THSD7B: variants seen among roughly 807,000 people sequenced by gnomAD.
THSD7B encodes thrombospondin type-1 domain-containing protein 7B.
THSD7B carries 138 observed loss-of-function variants against 213.6 expected under a neutral mutation model. That is an observed-to-expected ratio of 0.65 (90% CI 0.56 to 0.74). The LOEUF is 0.74. Among genes scored for constraint, THSD7B ranks in the 30% least tolerant of loss-of-function variants. THSD7B has a pLI of 0.00. For missense variants in THSD7B, 1,931 were observed against 1,991.5 expected, an observed-to-expected ratio of 0.97 and a Z score of 0.58; for synonymous variants, 742 against 687.0, an observed-to-expected ratio of 1.08 and a Z score of -1.25.
At chr2:136,912,321 CA>C (rs1159184476) in intron 2 of THSD7B, among the ~76,000 whole-genome samples, 149 of 55,814 alleles carry the variant, frequency 2.7e-3, no homozygotes, top group South Asian at 2.3e-3. Flanking sequence ...GACTCCATCT[CA>C]AAAAAAAAAA....
chr2:137,285,071 A>G (rs994128626), intron 12 of THSD7B, among the ~76,000 whole-genome samples: 1 of 152,102 alleles, frequency 6.6e-6, no homozygotes, highest in Non-Finnish European at 1.5e-5. Context: ...TTGCTTTATG[A>G]ATCTGGGTGC....
intron 2 of THSD7B, among the ~76,000 whole-genome samples, chr2:136,900,186 C>T (rs939716783): frequency 2.6e-5 from 4 of 152,168 alleles, no homozygotes; most frequent in African/African-American, 9.7e-5. Context: ...TTACTTTGTG[C>T]CCCACTAATG....
intron 7 of THSD7B, among the ~76,000 whole-genome samples, chr2:137,211,035 A>G (rs991617307): frequency 3.3e-5 from 5 of 151,850 alleles, no homozygotes; most frequent in Admixed American, 6.6e-5. Flanking sequence ...TTTCTTAATT[A>G]TATTTTTTAC....
At position 137,676,567 on chromosome 2, in the gene THSD7B, C is replaced by G; in HGVS notation, c.4783C>G (p.Pro1595Ala). 2.5e-6 allele frequency: 4 copies of G among 1,596,534 alleles called. No homozygotes were observed. Among genetic ancestry groups the G allele is most frequent in the Non-Finnish European group, 2.6e-6 (3 of 1,172,624 alleles). The part of the protein sequence containing the change: ...PHQSTPPQQK[P>A]LTLAYDGDLD... ...TCAAAGCACACCTCCCCAACAGAAG[C>G]CTCTGACCTTAGCCTACGATGGAGA... Residue 1595 changes from proline (P) to alanine (A), a missense_variant, in exon 28 of 28, where the codon CCT becomes GCT. By Grantham distance (27) the Pro-to-Ala change is conservative. Transcript: ENST00000409968.
intron 2 of THSD7B, among the ~76,000 whole-genome samples, chr2:136,956,835 G>A (rs1685134959): frequency 6.6e-6 from 1 of 151,804 alleles, no homozygotes; most frequent in African/African-American, 2.4e-5. Context: ...GCAAACCACC[G>A]TGTCTAGCTA....
chr2:137,667,681 A>C (rs755842107), intron 26 of THSD7B, 93 bp from the exon 27 acceptor site: 3 of 988,400 alleles, frequency 3.0e-6, no homozygotes, highest in Non-Finnish European at 4.6e-6. Context: ...ACTGATGGTC[A>C]GCTTGGGGTT....
intron 1 of THSD7B, among the ~76,000 whole-genome samples, chr2:136,813,346 G>A (rs1280602226): frequency 6.6e-6 from 1 of 151,888 alleles, no homozygotes; most frequent in Non-Finnish European, 1.5e-5. Flanking sequence ...TAAACCCTTC[G>A]GATTAGCCCC....
At chr2:137,473,444 A>G (rs553588959) in intron 15 of THSD7B, among the ~76,000 whole-genome samples, 34 of 152,122 alleles carry the variant, frequency 2.2e-4, no homozygotes, top group African/African-American at 8.2e-4. Flanking sequence ...TCCTGACCTC[A>G]TGATCCGCCC....
intron 15 of THSD7B, among the ~76,000 whole-genome samples, chr2:137,535,826 A>T (rs962049501): frequency 2.0e-5 from 3 of 151,524 alleles, no homozygotes; most frequent in Non-Finnish European, 4.4e-5. Flanking sequence ...TTCAAGAATG[A>T]TGTGAGGGGG....
At chr2:136,893,139 A>G (rs2087496879) in intron 2 of THSD7B, among the ~76,000 whole-genome samples, 1 of 152,180 alleles carries the variant, frequency 6.6e-6, no homozygotes. Flanking sequence ...CTGGAATATA[A>G]TAGCATGTTG....
At chr2:137,256,391 T>A (rs1682310258) in intron 10 of THSD7B, among the ~76,000 whole-genome samples, 1 of 152,236 alleles carries the variant, frequency 6.6e-6, no homozygotes, top group East Asian at 1.9e-4. Flanking sequence ...GTCCTGTGAT[T>A]GGGGAGGTGA....
At chr2:137,338,799 T>C (rs1369694691) in intron 12 of THSD7B, among the ~76,000 whole-genome samples, 1 of 152,128 alleles carries the variant, frequency 6.6e-6, no homozygotes, top group Non-Finnish European at 1.5e-5. Flanking sequence ...AGCCTCTGTG[T>C]GTACCACACA....
intron 20 of THSD7B, among the ~76,000 whole-genome samples, chr2:137,638,472 C>T (rs1437569219): frequency 2.6e-5 from 4 of 152,152 alleles, no homozygotes; most frequent in East Asian, 1.9e-4. Flanking sequence ...AATTAAACCT[C>T]GTTTTCTTCC....
chr2:137,355,462 C>T (rs903697586), intron 12 of THSD7B, among the ~76,000 whole-genome samples: 4 of 152,066 alleles, frequency 2.6e-5, no homozygotes, highest in African/African-American at 9.7e-5. Flanking sequence ...GTCGTAACAC[C>T]TATCTATTCT....
intron 16 of THSD7B, among the ~76,000 whole-genome samples, chr2:137,570,512 GT>G (rs1681333338): frequency 6.6e-6 from 1 of 152,018 alleles, no homozygotes; most frequent in South Asian, 2.1e-4. Context: ...GTTTCACCAT[GT>G]TAGCGAGGAT....
At chr2:137,459,491 C>A (rs1389546568) in intron 15 of THSD7B, among the ~76,000 whole-genome samples, 2 of 151,976 alleles carry the variant, frequency 1.3e-5, no homozygotes, top group African/African-American at 4.8e-5. Flanking sequence ...CATGGTGAAA[C>A]CCCATCTCTA....
intron 2 of THSD7B, among the ~76,000 whole-genome samples, chr2:136,901,873 A>T (rs141412890): frequency 1.1e-4 from 17 of 152,356 alleles, no homozygotes; most frequent in African/African-American, 2.6e-4. Context: ...TTAGACTCTG[A>T]GTTGTTTGCC....
At chr2:137,128,601 TG>T (rs1476717134) in intron 5 of THSD7B, among the ~76,000 whole-genome samples, 60 of 152,340 alleles carry the variant, frequency 3.9e-4, no homozygotes, top group African/African-American at 1.4e-3. Flanking sequence ...ACGTGCAAAT[TG>T]AGACCTGCAG....
chr2:136,862,032 C>T (rs1044937804), intron 1 of THSD7B, among the ~76,000 whole-genome samples: 1 of 152,206 alleles, frequency 6.6e-6, no homozygotes, highest in African/African-American at 2.4e-5. Flanking sequence ...GGAATATCCT[C>T]ATGACATGGA....
Sources: gnomAD v4.1 joint callset for allele counts (sites outside exome capture counted in the v4.1 genomes callset) on GRCh38, gnomAD v4.1.1 for gene constraint, MANE v1.5 for transcripts, NCBI Gene and HGNC (gene_info 2026-07-23, HGNC 2026-07-21) for gene names.